Variants in FZD8 observed in about 807,000 individuals in gnomAD.
FZD8 encodes the protein frizzled-8.
Under a neutral mutation model 46.0 loss-of-function variants are expected in FZD8, and 18 were observed. That is an observed-to-expected ratio of 0.39 (90% CI 0.27 to 0.58). FZD8 has a LOEUF of 0.58. FZD8 is among the 20% of genes least tolerant of loss of function. The probability of loss-of-function intolerance (pLI) is 0.55; values close to 1 mark genes in which losing one functional copy is unlikely to be tolerated. For missense variants in FZD8, 785 were observed against 983.4 expected, an observed-to-expected ratio of 0.80 and a Z score of 2.70; for synonymous variants, 586 against 467.9, an observed-to-expected ratio of 1.25 and a Z score of -3.26.
At position 35,640,119 on chromosome 10, in the gene FZD8, G is replaced by A; in HGVS notation, c.1311C>T (p.Tyr437=). The change falls in exon 1 of 1, where the codon TAC becomes TAT. Residue 437 remains tyrosine (Y), a synonymous_variant. Coordinates refer to ENST00000374694, the MANE Select transcript of FZD8 (RefSeq NM_031866.3). ...MKWGNEAIAG[Y]SQYFHLAAWL... ...ACGCGGCCAGGTGGAAGTACTGCGAGTAGCCGGCGATGGCTTCGTTGCCCC... is the reference window on the plus strand; with the variant it reads ...ACGCGGCCAGGTGGAAGTACTGCGAATAGCCGGCGATGGCTTCGTTGCCCC... 1 of 1,612,952 alleles carries A rather than the reference G, an allele frequency of 6.2e-7. No homozygotes were observed. Among genetic ancestry groups the A allele is most frequent in the Non-Finnish European group, 8.5e-7 (1 of 1,179,824 alleles).
rs547024432 is a variant in FZD8, at chr10:35,638,711, A to G, written c.*634T>C. On this transcript the variant is annotated 3_prime_UTR_variant, in exon 1 of 1. Coordinates refer to ENST00000374694, the MANE Select transcript of FZD8 (RefSeq NM_031866.3). ...CTTTTTACAAAAAAATGTACACACT[A>G]TATCTTTGGATATATACATATTTTA... is the stretch of plus-strand genomic sequence containing the variant. 7 of 150,390 alleles carry G rather than the reference A, an allele frequency of 4.7e-5. No homozygotes were observed. Among genetic ancestry groups the G allele is most frequent in the Admixed American group, 1.4e-4 (2 of 14,752 alleles). 9.3% of individuals were successfully genotyped at this position (150,390 alleles called of 1,614,324 possible).
chr10:35,639,689 G>C lies in FZD8; in HGVS notation c.1741C>G (p.Pro581Ala). 6.3e-7 allele frequency: 1 copy of C among 1,599,370 alleles called. No homozygotes were observed. The highest frequency in any genetic ancestry group is 8.5e-7 in the Non-Finnish European group (1 of 1,179,690). Residue 581 changes from proline (P) to alanine (A), a missense_variant, in exon 1 of 1, where the codon CCC (proline) becomes GCC (alanine). By Grantham distance (27) the Pro-to-Ala change is conservative (BLOSUM62 -1). Around this residue, in one of 5 missense-constraint regions of FZD8, gnomAD observed 185 missense variants for 180.8 expected, o/e 1.02. Coordinates refer to ENST00000374694, the MANE Select transcript of FZD8 (RefSeq NM_031866.3). ...RDLQPDQARR[P>A]DYAVFMLKYF... is the part of the protein sequence containing the mutation. ...TTGAGCATGAAGACGGCGTAGTCGG[G>C]CCTGCGTGCCTGGTCGGGCTGCAGG...
rs1170922601 is a variant in FZD8, at chr10:35,638,587, G to A, written c.*758C>T. 2.0e-5 allele frequency: 3 copies of A among 152,540 alleles called. No homozygotes were observed. Among genetic ancestry groups the A allele is most frequent in the Non-Finnish European group, 4.4e-5 (3 of 68,046 alleles). 9.4% of individuals were successfully genotyped at this position (152,540 alleles called of 1,614,324 possible). On this transcript the variant is annotated 3_prime_UTR_variant, in exon 1 of 1. Transcript: ENST00000374694. ...GCACTTTAAAGGTGACAGCTCAGAA[G>A]AGGCGGGGGAGAGGGCAATGGTTAA...
At position 35,639,576 on chromosome 10, in the gene FZD8, G is replaced by A; in HGVS notation, c.1854C>T (p.Thr618=). ...CGCCCTTGCTGGCCCAGCAGCAGCGGGTGCACAGGGAGCGCCAGGACTCCA... is the reference window on the plus strand; with the variant it reads ...CGCCCTTGCTGGCCCAGCAGCAGCGAGTGCACAGGGAGCGCCAGGACTCCA... ...KTLESWRSLC[T]RCCWASKGAA... The change falls in exon 1 of 1, where the codon ACC becomes ACT. Residue 618 remains threonine (T), a synonymous_variant. Coordinates refer to ENST00000374694, the MANE Select transcript of FZD8 (RefSeq NM_031866.3). 1 of 1,584,800 alleles carries A rather than the reference G, an allele frequency of 6.3e-7. No individual in the cohort carries two copies. Among genetic ancestry groups the A allele is most frequent in the Non-Finnish European group, 8.5e-7 (1 of 1,172,764 alleles).
chr10:35,641,352 CGCAGCGCCGCTAGAGCGCTGCA>C lies in FZD8; in HGVS notation c.56_77del (p.Leu19ArgfsTer72), dbSNP rs1835857865. On this transcript the variant is annotated frameshift_variant, in exon 1 of 1. Transcript: ENST00000374694. LOFTEE classifies it high-confidence loss of function. The surrounding 1 kb of genome is among the most constrained non-coding windows in gnomAD (Gnocchi z 6.3). ...ATGCCAGCTCCTTGGCCGAGGCGGC[CGCAGCGCCGCTAGAGCGCTGCA>C]GCAGCGCCAAGGCGGCCAGCAGCGA... 1.9e-6 allele frequency: 3 copies of C among 1,613,610 alleles called. No homozygotes were observed. Among genetic ancestry groups the C allele is most frequent in the Non-Finnish European group, 1.7e-6 (2 of 1,179,860 alleles).
rs1025102464 is a variant in FZD8, at chr10:35,642,230, A to AGCC, written c.-804_-802dup. ...CACCTGAGTGGCGCGGCCCGCGCCC[A>AGCC]GCCGCCGCCTCCTCCTCGGCGGGAG... On this transcript the variant is annotated 5_prime_UTR_variant, in exon 1 of 1. Transcript: ENST00000374694. 16 of 152,734 alleles carry AGCC rather than the reference A, an allele frequency of 1.0e-4. No homozygotes were observed. Among genetic ancestry groups the AGCC allele is most frequent in the African/African-American group, 2.9e-4 (12 of 41,390 alleles). 9.5% of individuals were successfully genotyped at this position (152,734 alleles called of 1,614,324 possible). A position where few individuals can be genotyped will look rare whatever the true frequency, so the allele number is the denominator to read the frequency against.
At position 35,640,363 on chromosome 10, in the gene FZD8, G is replaced by C; in HGVS notation, c.1067C>G (p.Ala356Gly). The stretch of plus-strand genomic sequence containing the variant: ...GCCCGCCGCGCCCGCGCCCGCCGCC[G>C]CGCCGCCCGCGCCCCCAGCGCCCCC... ...GAGGAGGAGGAAAGAGAAGAG... is the reference protein window; with the variant it reads ...GAGGAGGAGGGAAGAGAAGAG... The change falls in exon 1 of 1, where the codon GCG becomes GGG. Residue 356 changes from alanine (A) to glycine (G), a missense_variant. Around this residue, in one of 5 missense-constraint regions of FZD8, gnomAD observed 88 missense variants for 83.6 expected, o/e 1.05. Coordinates refer to ENST00000374694, the MANE Select transcript of FZD8 (RefSeq NM_031866.3). 19 of 963,614 alleles carry C rather than the reference G, an allele frequency of 2.0e-5. No individual in the cohort carries two copies. The highest frequency in any genetic ancestry group is 2.3e-5 in the Non-Finnish European group (19 of 812,936). The allele number at this position is 963,614 out of a possible 1,614,324, so 59.7% of individuals were successfully genotyped here. A position where few individuals can be genotyped will look rare whatever the true frequency, so the allele number is the denominator to read the frequency against.
Position 35,641,225 on chromosome 10 carries a change from C to G in FZD8, c.205G>C (p.Val69Leu). Residue 69 changes from valine (V) to leucine (L), a missense_variant, in exon 1 of 1, where the codon GTG (valine) becomes CTG (leucine). Physicochemically the swap from Val to Leu is conservative, Grantham distance 32 (BLOSUM62 1). This residue lies in a region of FZD8 where 354 missense variants were observed against 433.2 expected (regional missense o/e 0.82). Transcript: ENST00000374694. This position sits in a 1 kb window ranked among gnomAD's most constrained non-coding sequence, Gnocchi z 6.3. ...HDTQDEAGLE[V>L]HQFWPLVEIQ... ...TCCACCAGCGGCCAGAACTGGTGCA[C>G]CTCCAGGCCCGCCTCGTCTTGCGTG... The G allele has an allele frequency of 6.2e-7, 1 of 1,614,088 alleles. No individual in the cohort carries two copies. The highest frequency in any genetic ancestry group is 8.5e-7 in the Non-Finnish European group (1 of 1,179,962).
Position 35,638,248 on chromosome 10 carries a change from G to A in FZD8, c.*1097C>T, listed in dbSNP as rs1315937216. The A allele has an allele frequency of 6.6e-6, 1 of 152,362 alleles. No individual in the cohort carries two copies. Among genetic ancestry groups the A allele is most frequent in the Non-Finnish European group, 1.5e-5 (1 of 68,046 alleles). 9.4% of individuals were successfully genotyped at this position (152,362 alleles called of 1,614,324 possible). A position where few individuals can be genotyped will look rare whatever the true frequency, so the allele number is the denominator to read the frequency against. On this transcript the variant is annotated 3_prime_UTR_variant, in exon 1 of 1. Coordinates refer to ENST00000374694, the MANE Select transcript of FZD8 (RefSeq NM_031866.3). ...AAAATCACGGACTCCAGAAATGAATGCAGGGTTTTGAAACCTTTAGTGATA... is the reference window on the plus strand; with the variant it reads ...AAAATCACGGACTCCAGAAATGAATACAGGGTTTTGAAACCTTTAGTGATA...
rs1230016719 is a variant in FZD8, at chr10:35,640,005, G to C, written c.1425C>G (p.Asn475Lys). 6.2e-7 allele frequency: 1 copy of C among 1,612,228 alleles called. No homozygotes were observed. Among genetic ancestry groups the C allele is most frequent in the Non-Finnish European group, 8.5e-7 (1 of 1,179,850 alleles). ...AGCCGCGCAGGTTGTCCAGGCTCTG[G>C]TTGCCCACGTAGCAGATGCCCGCCA... is the stretch of plus-strand genomic sequence containing the variant. ...DPVAGICYVGNQSLDNLRGFV... is the reference protein window; with the variant it reads ...DPVAGICYVGKQSLDNLRGFV... The change falls in exon 1 of 1, where the codon AAC (asparagine) becomes AAG (lysine). Residue 475 changes from asparagine (N) to lysine (K), a missense_variant. By Grantham distance (94) the Asn-to-Lys change is moderately conservative (BLOSUM62 0). Transcript: ENST00000374694.
rs1281782408 is a variant in FZD8, at chr10:35,639,398, C to T, written c.2032G>A (p.Gly678Ser). 1.4e-6 allele frequency: 2 copies of T among 1,473,188 alleles called. No individual in the cohort carries two copies. The highest frequency in any genetic ancestry group is 1.8e-6 in the Non-Finnish European group (2 of 1,101,234). The allele number at this position is 1,473,188 out of a possible 1,614,324, so 91.3% of individuals were successfully genotyped here. A position where few individuals can be genotyped will look rare whatever the true frequency, so the allele number is the denominator to read the frequency against. Residue 678 changes from glycine to serine, a missense_variant, in exon 1 of 1, where the codon GGC becomes AGC. Gly to Ser is a moderately conservative substitution (Grantham distance 56, BLOSUM62 0). Transcript: ENST00000374694. The stretch of plus-strand genomic sequence containing the variant: ...GGATAAGACACGGAGCTCGCCGTGC[C>T]CGACCGCCACGTCAGGCCAGTGCTG... Reference protein sequence around the residue: ...DVSTGLTWRSGTASSVSYPKQ... With the variant: ...DVSTGLTWRSSTASSVSYPKQ...
In FZD8 at chr10:35,640,698, C is replaced by T. The variant is rs1397086083; in HGVS notation, c.732G>A (p.Glu244=). ...TGACGCGGTTGTAGAGCGGGTGGCG[C>T]TCGCTGGACACGCTCACCATAGGCG... is the stretch of plus-strand genomic sequence containing the variant. ...CRAPMVSVSS[E]RHPLYNRVKT... Residue 244 remains glutamate, a synonymous_variant, in exon 1 of 1, where the codon GAG becomes GAA. Transcript: ENST00000374694. 2 of 1,520,174 alleles carry T rather than the reference C, an allele frequency of 1.3e-6. No individual in the cohort carries two copies. The highest frequency in any genetic ancestry group is 2.6e-5 in the East Asian group (1 of 39,200). 94.2% of individuals were successfully genotyped at this position (1,520,174 alleles called of 1,614,324 possible). A position where few individuals can be genotyped will look rare whatever the true frequency, so the allele number is the denominator to read the frequency against.
Position 35,641,157 on chromosome 10 carries a change from C to G in FZD8, c.273G>C (p.Met91Ile). ...SPDLKFFLCSMYTPICLEDYK... is the reference protein window; with the variant it reads ...SPDLKFFLCSIYTPICLEDYK... ...AGTCCTCTAGGCAGATGGGCGTGTA[C>G]ATGCTGCACAGGAAGAACTTGAGAT... The change falls in exon 1 of 1, where the codon ATG (methionine) becomes ATC (isoleucine). Residue 91 changes from methionine to isoleucine, a missense_variant. Around this residue, in one of 5 missense-constraint regions of FZD8, gnomAD observed 354 missense variants for 433.2 expected, o/e 0.82. Coordinates refer to ENST00000374694, the MANE Select transcript of FZD8 (RefSeq NM_031866.3). This position sits in a 1 kb window ranked among gnomAD's most constrained non-coding sequence, Gnocchi z 6.3. The G allele has an allele frequency of 6.2e-7, 1 of 1,613,822 alleles. No homozygotes were observed. The highest frequency in any genetic ancestry group is 8.5e-7 in the Non-Finnish European group (1 of 1,179,872).
rs1835811754 is a variant in FZD8, at chr10:35,639,329, GC to G, written c.*15del. The G allele has an allele frequency of 3.5e-6, 4 of 1,140,870 alleles. No homozygotes were observed. Among genetic ancestry groups the G allele is most frequent in the Non-Finnish European group, 3.5e-6 (3 of 847,278 alleles). 70.7% of individuals were successfully genotyped at this position (1,140,870 alleles called of 1,614,324 possible). On this transcript the variant is annotated 3_prime_UTR_variant, in exon 1 of 1. Transcript: ENST00000374694. ...GCCCCCCTCCCCACCCCTCCTGGGC[GC>G]CCCCTCCCCTCCGCTCAGACCTGGG... is the stretch of plus-strand genomic sequence containing the variant.
Position 35,639,795 on chromosome 10 carries a change from C to T in FZD8, c.1635G>A (p.Ala545=), listed in dbSNP as rs758655983. Residue 545 remains alanine (A), a synonymous_variant, in exon 1 of 1, where the codon GCG becomes GCA. Coordinates refer to ENST00000374694, the MANE Select transcript of FZD8 (RefSeq NM_031866.3). The part of the protein sequence containing the change: ...LFTVLYTVPA[A]VVVACLFYEQ... Reference sequence around the variant, plus strand: ...CGTAGAAGAGGCAGGCGACCACCACCGCGGCGGGCACGGTGTAGAGCACGG... The same window carrying T: ...CGTAGAAGAGGCAGGCGACCACCACTGCGGCGGGCACGGTGTAGAGCACGG... The T allele has an allele frequency of 7.5e-6, 12 of 1,602,440 alleles. No individual in the cohort carries two copies. Among genetic ancestry groups the T allele is most frequent in the Non-Finnish European group, 1.0e-5 (12 of 1,179,848 alleles).
chr10:35,639,481 C>G lies in FZD8; in HGVS notation c.1949G>C (p.Gly650Ala). The change falls in exon 1 of 1, where the codon GGG (glycine) becomes GCG (alanine). Residue 650 changes from glycine to alanine, a missense_variant. Transcript: ENST00000374694. ...CGGCCCCCCGCCGCCGCCGGGTCCC[C>G]CGCCGCCGCCGCCCCCCGGCCCGCC... is the stretch of plus-strand genomic sequence containing the variant. ...GGGGPGGGGGGGPGGGGGPGG... is the reference protein window; with the variant it reads ...GGGGPGGGGGAGPGGGGGPGG... 1 of 942,824 alleles carries G rather than the reference C, an allele frequency of 1.1e-6. No homozygotes were observed. Among genetic ancestry groups the G allele is most frequent in the Non-Finnish European group, 1.3e-6 (1 of 792,580 alleles). The allele number at this position is 942,824 out of a possible 1,614,324, so 58.4% of individuals were successfully genotyped here. A position where few individuals can be genotyped will look rare whatever the true frequency, so the allele number is the denominator to read the frequency against.
chr10:35,638,274 C>T lies in FZD8; in HGVS notation c.*1071G>A, dbSNP rs1835794346. The T allele has an allele frequency of 2.6e-5, 4 of 152,426 alleles. No individual in the cohort carries two copies. The South Asian group carries it at 8.3e-4, about 32-fold the overall frequency. 9.4% of individuals were successfully genotyped at this position (152,426 alleles called of 1,614,324 possible). A position where few individuals can be genotyped will look rare whatever the true frequency, so the allele number is the denominator to read the frequency against. On this transcript the variant is annotated 3_prime_UTR_variant, in exon 1 of 1. Transcript: ENST00000374694. Reference sequence around the variant, plus strand: ...CAGGGTTTTGAAACCTTTAGTGATACCATGCAGGATAAATAACAAGGCCTA... The same window carrying T: ...CAGGGTTTTGAAACCTTTAGTGATATCATGCAGGATAAATAACAAGGCCTA...
In FZD8 at chr10:35,639,391, G is replaced by C. The variant is rs1338415763; in HGVS notation, c.2039C>G (p.Ala680Gly). The change falls in exon 1 of 1, where the codon GCG (alanine) becomes GGG (glycine). Residue 680 changes from alanine (A) to glycine (G), a missense_variant. Coordinates refer to ENST00000374694, the MANE Select transcript of FZD8 (RefSeq NM_031866.3). Reference protein sequence around the residue: ...STGLTWRSGTASSVSYPKQMP... With the variant: ...STGLTWRSGTGSSVSYPKQMP... ...CTGCTTTGGATAAGACACGGAGCTCGCCGTGCCCGACCGCCACGTCAGGCC... is the reference window on the plus strand; with the variant it reads ...CTGCTTTGGATAAGACACGGAGCTCCCCGTGCCCGACCGCCACGTCAGGCC... The C allele has an allele frequency of 9.5e-6, 14 of 1,472,594 alleles. No individual in the cohort carries two copies. In the African/African-American group the frequency reaches 1.9e-4, roughly 20 times the overall value. 91.2% of individuals were successfully genotyped at this position (1,472,594 alleles called of 1,614,324 possible). A position where few individuals can be genotyped will look rare whatever the true frequency, so the allele number is the denominator to read the frequency against.
chr10:35,639,334 C>A lies in FZD8; in HGVS notation c.*11G>T, dbSNP rs1408069917. The A allele has an allele frequency of 7.2e-7, 1 of 1,383,120 alleles. No individual in the cohort carries two copies. The highest frequency in any genetic ancestry group is 9.6e-7 in the Non-Finnish European group (1 of 1,045,854). 85.7% of individuals were successfully genotyped at this position (1,383,120 alleles called of 1,614,324 possible). ...CCTCCCCACCCCTCCTGGGCGCCCCCTCCCCTCCGCTCAGACCTGGGACAA... is the reference window on the plus strand; with the variant it reads ...CCTCCCCACCCCTCCTGGGCGCCCCATCCCCTCCGCTCAGACCTGGGACAA... On this transcript the variant is annotated 3_prime_UTR_variant, in exon 1 of 1. Coordinates refer to ENST00000374694, the MANE Select transcript of FZD8 (RefSeq NM_031866.3).
Sources: allele counts gnomAD v4.1 joint callset, GRCh38; gene constraint gnomAD v4.1.1; regional missense constraint gnomAD v4.1.1; non-coding constraint Gnocchi (gnomAD v3.1); transcripts MANE v1.5; gene names NCBI Gene and HGNC (gene_info 2026-07-23, HGNC 2026-07-21).